SYCP2: variants seen among roughly 807,000 people sequenced by gnomAD.
The protein encoded by SYCP2 is synaptonemal complex protein 2, also known as synaptonemal complex lateral element protein.
A neutral mutation model predicts 211.3 loss-of-function variants in SYCP2; 55 were observed. That is an observed-to-expected ratio of 0.26 (90% confidence interval 0.21 to 0.33). The LOEUF (loss-of-function observed/expected upper bound fraction) is 0.33. Among genes scored for constraint, SYCP2 ranks in the 10% least tolerant of loss-of-function variants. SYCP2 has a pLI of 1.00. For missense variants in SYCP2, 1,731 were observed against 1,752.0 expected (o/e 0.99, Z 0.21); for synonymous variants, 570 against 555.2 (o/e 1.03, Z -0.37).
At chr20:59,907,549 T>C in intron 14 of SYCP2, 125 bp from the exon 15 acceptor site, 1 of 653,926 alleles carries the variant, frequency 1.5e-6, no homozygotes, top group East Asian at 2.8e-5. Context: ...AACTAGTTTA[T>C]ATAACACCTT....
At chr20:59,889,171 C>T (rs189865725) in intron 24 of SYCP2, among the ~76,000 whole-genome samples, 59 of 152,088 alleles carry the variant, frequency 3.9e-4, no homozygotes, top group African/African-American at 1.3e-3. Context: ...CACTTCACTA[C>T]ATATTTGTCA....
At chr20:59,879,941 T>C (rs952734054) in intron 31 of SYCP2, among the ~76,000 whole-genome samples, 1 of 149,058 alleles carries the variant, frequency 6.7e-6, no homozygotes, top group African/African-American at 2.4e-5. Context: ...TAAATATATA[T>C]AGATTAGTGT....
chr20:59,865,448 TA>T lies in SYCP2; in HGVS notation c.4459-5del, dbSNP rs1375164432. 2 of 1,607,824 alleles carry T rather than the reference TA, an allele frequency of 1.2e-6. No individual in the cohort carries two copies. The highest frequency in any genetic ancestry group is 8.5e-7 in the Non-Finnish European group (1 of 1,177,036). The stretch of plus-strand genomic sequence containing the variant: ...TATCTTCTTTCATCAAACACATCTG[TA>T]AAAAAGTAAATATATTTCACCCATG... On this transcript the variant is annotated splice_region_variant and splice_polypyrimidine_tract_variant and intron_variant, in intron 43 of 44. Coordinates refer to ENST00000357552, the MANE Select transcript of SYCP2 (RefSeq NM_014258.4).
intron 16 of SYCP2, 46 bp downstream of exon 16, chr20:59,901,616 C>T (rs199922370): frequency 2.3e-5 from 27 of 1,175,316 alleles, no homozygotes; most frequent in Admixed American, 7.3e-5. Context: ...CAAACTGTTT[C>T]CAGAATTATG....
Position 59,892,217 on chromosome 20 carries a change from G to A in SYCP2, c.2137C>T (p.Gln713Ter). 1 of 1,612,766 alleles carries A rather than the reference G, an allele frequency of 6.2e-7. No homozygotes were observed. Among genetic ancestry groups the A allele is most frequent in the Non-Finnish European group, 8.5e-7 (1 of 1,179,224 alleles). ...SGQKNTENAK[Q>*]SDWPVESETT... The stretch of plus-strand genomic sequence containing the variant: ...TCAGATTCAACAGGCCAATCACTCT[G>A]CTTGGCATTTTCAGTATTTTTCTGC... Residue 713 changes from glutamine (Q) to a stop codon, truncating the protein, a stop_gained, in exon 24 of 45, where the codon CAG becomes TAG. Coordinates refer to ENST00000357552, the MANE Select transcript of SYCP2 (RefSeq NM_014258.4). LOFTEE classifies it high-confidence loss of function.
chr20:59,877,273 A>G (rs1480775582), intron 33 of SYCP2, 112 bp downstream of exon 33: 2 of 765,910 alleles, frequency 2.6e-6, no homozygotes, highest in Non-Finnish European at 3.7e-6. Context: ...GTTTTGTCAT[A>G]AAAGAAGTTA....
chr20:59,921,272 A>G, intron 4 of SYCP2, 38 bp downstream of exon 4: 1 of 1,554,882 alleles, frequency 6.4e-7, no homozygotes. Context: ...GTTCTATCTA[A>G]TAATTGTAAC....
intron 35 of SYCP2, among the ~76,000 whole-genome samples, chr20:59,872,955 G>A (rs1314727422): frequency 6.6e-6 from 1 of 152,036 alleles, no homozygotes; most frequent in Non-Finnish European, 1.5e-5. Context: ...AGTTTAACAG[G>A]TAAATGGTAG....
intron 15 of SYCP2, among the ~76,000 whole-genome samples, chr20:59,905,909 G>T (rs923897484): frequency 2.0e-5 from 3 of 152,096 alleles, no homozygotes; most frequent in Non-Finnish European, 2.9e-5. Flanking sequence ...GAGGGAGGGA[G>T]TGCATAAGGA....
chr20:59,877,993 A>G lies in SYCP2; in HGVS notation c.2979+15T>C, dbSNP rs564571051. On this transcript the variant is annotated intron_variant, in intron 32 of 44. Transcript: ENST00000357552. ...AATTTTAAAGGGATGTTTGAACACA[A>G]ACTTCTTGGCTTACCATTTTAGAGC... is the stretch of plus-strand genomic sequence containing the variant. The G allele has an allele frequency of 1.2e-4, 189 of 1,588,256 alleles. 4 individuals are homozygous for G. The South Asian group carries it at 2.1e-3, about 18-fold the overall frequency.
At chr20:59,889,212 G>C (rs1220804779) in intron 24 of SYCP2, among the ~76,000 whole-genome samples, 1 of 151,854 alleles carries the variant, frequency 6.6e-6, no homozygotes, top group Non-Finnish European at 1.5e-5. Flanking sequence ...AAAGCATGAA[G>C]CCTAATGTAA....
intron 24 of SYCP2, among the ~76,000 whole-genome samples, chr20:59,889,606 T>A (rs978670421): frequency 5.9e-5 from 9 of 152,060 alleles, no homozygotes; most frequent in African/African-American, 1.4e-4. Context: ...TAACCATTTT[T>A]AAGTCCATAT....
At position 59,874,065 on chromosome 20, in the gene SYCP2, T is replaced by C. The variant is rs1014606302; in HGVS notation, c.3350-4A>G. 4 of 1,511,072 alleles carry C rather than the reference T, an allele frequency of 2.6e-6. No homozygotes were observed. The highest frequency in any genetic ancestry group is 2.3e-5 in the East Asian group (1 of 43,432). 93.6% of individuals were successfully genotyped at this position (1,511,072 alleles called of 1,614,324 possible). On this transcript the variant is annotated splice_region_variant and splice_polypyrimidine_tract_variant and intron_variant, in intron 34 of 44. Transcript: ENST00000357552. ...TTTTCTGTTATTTTCTCTATACCTA[T>C]ATTGCATCAAAATAAAAAAGAAAAT...
chr20:59,905,663 T>TA (rs2060200513), intron 15 of SYCP2, among the ~76,000 whole-genome samples: 1 of 152,158 alleles, frequency 6.6e-6, no homozygotes, highest in Admixed American at 6.5e-5. Flanking sequence ...TTTATTAACT[T>TA]AATTGCCATG....
At position 59,867,826 on chromosome 20, in the gene SYCP2, A is replaced by G. The variant is rs780308052; in HGVS notation, c.4010T>C (p.Leu1337Ser). 8 of 1,607,998 alleles carry G rather than the reference A, an allele frequency of 5.0e-6. No homozygotes were observed. The African/African-American group carries it at 1.1e-4, about 22-fold the overall frequency. ...IHKMSESVSS[L>S]STNDFSIPWE... ...AGGAATAGAAAAGTCATTTGTTGAT[A>G]ATGAAGATACACTTTCAGACACTAA... The change falls in exon 39 of 45, where the codon TTA (leucine) becomes TCA (serine). Residue 1337 changes from leucine to serine, a missense_variant. Physicochemically the swap from Leu to Ser is moderately radical, Grantham distance 145. Around this residue, in one of 3 missense-constraint regions of SYCP2, gnomAD observed 1,387 missense variants for 1,351.3 expected, o/e 1.03. Transcript: ENST00000357552.
intron 31 of SYCP2, 61 bp from the exon 32 acceptor site, chr20:59,878,106 T>G: frequency 9.5e-7 from 1 of 1,056,426 alleles, no homozygotes; most frequent in Non-Finnish European, 1.4e-6. Context: ...ATTAAATTTA[T>G]TAGAACATCA....
At chr20:59,894,351 T>C (rs931980093) in intron 20 of SYCP2, among the ~76,000 whole-genome samples, 1 of 152,042 alleles carries the variant, frequency 6.6e-6, no homozygotes, top group African/African-American at 2.4e-5. Context: ...CTTATCATCC[T>C]ACAACATTTA....
In SYCP2 at chr20:59,914,237, C is replaced by A; in HGVS notation, c.649G>T (p.Val217Leu). The change falls in exon 11 of 45, where the codon GTA becomes TTA. Residue 217 changes from valine (V) to leucine (L), a missense_variant. By Grantham distance (32) the Val-to-Leu change is conservative. Transcript: ENST00000357552. The stretch of plus-strand genomic sequence containing the variant: ...CTACACAAAGCTTCTACAATGCCTA[C>A]CTGTAAGTCATAATCTATTAAAAAA... ...ILDAGDYDLQVGIVEALCRMT... is the reference protein window; with the variant it reads ...ILDAGDYDLQLGIVEALCRMT... 6.4e-7 allele frequency: 1 copy of A among 1,574,710 alleles called. No homozygotes were observed.
In SYCP2 at chr20:59,915,148, G is replaced by T. The variant is rs111867631; in HGVS notation, c.634+17C>A. 138 of 1,505,502 alleles carry T rather than the reference G, an allele frequency of 9.2e-5. No homozygotes were observed. The African/African-American group carries it at 1.7e-3, about 19-fold the overall frequency. 93.3% of individuals were successfully genotyped at this position (1,505,502 alleles called of 1,614,324 possible). A position where few individuals can be genotyped will look rare whatever the true frequency, so the allele number is the denominator to read the frequency against. ...ATAAATATGGAATAATTTTAGATTT[G>T]GAAAAGACATACTTACCTCCAGCAT... On this transcript the variant is annotated intron_variant, in intron 10 of 44. Coordinates refer to ENST00000357552, the MANE Select transcript of SYCP2 (RefSeq NM_014258.4).
Sources: gnomAD v4.1 joint callset for allele counts (sites outside exome capture counted in the v4.1 genomes callset) on GRCh38, gnomAD v4.1.1 for gene constraint, gnomAD v4.1.1 regional missense constraint, MANE v1.5 for transcripts, NCBI Gene and HGNC (gene_info 2026-07-23, HGNC 2026-07-21) for gene names.